Variants in PCDHA12 observed in about 807,000 individuals in gnomAD.
PCDHA12 encodes protocadherin alpha 12, also known as protocadherin alpha-12.
In PCDHA12, 44 loss-of-function variants were observed where a neutral mutation model predicts 60.0. The observed-to-expected ratio is 0.73, with a 90% CI of 0.58 to 0.94. The LOEUF is 0.94. PCDHA12 is among the 40% of genes least tolerant of loss of function. PCDHA12 has a pLI of 0.00. For synonymous variants in PCDHA12, 569 were observed against 553.0 expected (o/e 1.03, Z -0.40); for missense variants, 1,276 against 1,239.7 (o/e 1.03, Z -0.44).
chr5:140,900,496 C>G (rs1476220010), intron 1 of PCDHA12, among the ~76,000 whole-genome samples: 2 of 152,212 alleles, frequency 1.3e-5, no homozygotes, highest in Admixed American at 6.5e-5. Flanking sequence ...AGACTGGTCT[C>G]AAATTCCCAG....
intron 1 of PCDHA12, chr5:140,928,010 G>A: frequency 1.2e-6 from 2 of 1,614,168 alleles, no homozygotes; most frequent in Non-Finnish European, 1.7e-6. Context: ...GATTCTAATG[G>A]TAGGGTCATT....
chr5:140,899,102 G>A (rs1156372420), intron 1 of PCDHA12, among the ~76,000 whole-genome samples: 1 of 152,066 alleles, frequency 6.6e-6, no homozygotes, highest in Non-Finnish European at 1.5e-5. Flanking sequence ...TGAGATAATG[G>A]GGTTTTCTAG....
chr5:140,977,247 A>G (rs528974727), intron 1 of PCDHA12, among the ~76,000 whole-genome samples: 1 of 152,336 alleles, frequency 6.6e-6, no homozygotes, highest in African/African-American at 2.4e-5. Context: ...AATTGGCAAC[A>G]TTTCTCAGCA....
intron 1 of PCDHA12, among the ~76,000 whole-genome samples, chr5:140,888,737 A>T (rs1468383652): frequency 6.6e-6 from 1 of 152,036 alleles, no homozygotes; most frequent in Non-Finnish European, 1.5e-5. Context: ...TGTGAGCTCT[A>T]GGAATTATTC....
chr5:141,001,693 G>A (rs1554258280), intron 3 of PCDHA12, among the ~76,000 whole-genome samples: 1 of 152,122 alleles, frequency 6.6e-6, no homozygotes, highest in Admixed American at 6.5e-5. Context: ...CCCACAGATG[G>A]CGAAATAGGG....
intron 1 of PCDHA12, among the ~76,000 whole-genome samples, chr5:140,916,601 G>A (rs2077638535): frequency 6.6e-6 from 1 of 152,188 alleles, no homozygotes. Flanking sequence ...GGCCTGGAAT[G>A]CGGGCCTCAT....
chr5:140,976,354 C>A (rs1331334402), intron 1 of PCDHA12, among the ~76,000 whole-genome samples: 2 of 151,960 alleles, frequency 1.3e-5, no homozygotes, highest in Non-Finnish European at 2.9e-5. Context: ...TGTTCAAGAC[C>A]AGCCTGGCCA....
At chr5:140,971,586 C>G (rs1290834481) in intron 1 of PCDHA12, among the ~76,000 whole-genome samples, 1 of 152,022 alleles carries the variant, frequency 6.6e-6, no homozygotes, top group Non-Finnish European at 1.5e-5. Context: ...TTTTTCCTAC[C>G]TAGTTACTAC....
chr5:140,941,193 TTC>T (rs1491512649), intron 1 of PCDHA12, among the ~76,000 whole-genome samples: 2 of 116,638 alleles, frequency 1.7e-5, no homozygotes, highest in Admixed American at 1.7e-4. Flanking sequence ...TTCTTTTTTT[TTC>T]TTTCTTCCTT....
At chr5:140,943,234 G>A (rs1161111493) in intron 1 of PCDHA12, among the ~76,000 whole-genome samples, 3 of 145,508 alleles carry the variant, frequency 2.1e-5, no homozygotes, top group Non-Finnish European at 4.5e-5. Context: ...CTCCAGCCTG[G>A]GTCACAGAGT....
In PCDHA12 at chr5:140,920,604, G is replaced by A. The variant is rs182788075; in HGVS notation, c.2367+42765G>A. 4.8e-4 allele frequency among the ~76,000 whole-genome samples: 73 copies of A among 152,238 alleles called. No homozygotes were observed. In the East Asian group the frequency reaches 0.011, roughly 22 times the overall value. On this transcript the variant is annotated intron_variant, in intron 1 of 3. Transcript: ENST00000398631. ...CTCACGCCTGTAATCCCAGCACTTT[G>A]GGAGGCCGAGGCGGATGGATCACAA...
chr5:140,909,992 T>A (rs2074821631), intron 1 of PCDHA12, among the ~76,000 whole-genome samples: 1 of 152,192 alleles, frequency 6.6e-6, no homozygotes, highest in Non-Finnish European at 1.5e-5. Context: ...ACTAACAGCA[T>A]AAATTGTTGT....
rs112848471 is a variant in PCDHA12, at chr5:140,995,109, C to G, written c.2515+12546C>G. ...TATCTGTGGAGATACATTCCAAGAC[C>G]CTCAGTGGATGCCTGAAACCTCATT... On this transcript the variant is annotated intron_variant, in intron 3 of 3. Transcript: ENST00000398631. Among the ~76,000 whole-genome samples, 792 of 152,268 alleles carry G rather than the reference C, an allele frequency of 5.2e-3. 8 individuals are homozygous for G. Among genetic ancestry groups the G allele is most frequent in the African/African-American group, 0.019 (770 of 41,540 alleles).
Position 140,875,857 on chromosome 5 carries a change from A to C in PCDHA12, c.385A>C (p.Asn129His). ...VDVEVKDIND[N>H]PPVFREREQK... ...CGTGGAGGTGAAGGACATTAACGAC[A>C]ACCCGCCGGTGTTCAGAGAAAGGGA... is the stretch of plus-strand genomic sequence containing the variant. Residue 129 changes from asparagine to histidine, a missense_variant, in exon 1 of 4, where the codon AAC becomes CAC. Asn to His is a moderately conservative substitution (Grantham distance 68). Coordinates refer to ENST00000398631, the MANE Select transcript of PCDHA12 (RefSeq NM_018903.4). 1 of 1,614,124 alleles carries C rather than the reference A, an allele frequency of 6.2e-7. No homozygotes were observed. Among genetic ancestry groups the C allele is most frequent in the Non-Finnish European group, 8.5e-7 (1 of 1,180,016 alleles).
At chr5:140,926,117 A>G (rs2082917656) in intron 1 of PCDHA12, among the ~76,000 whole-genome samples, 1 of 152,190 alleles carries the variant, frequency 6.6e-6, no homozygotes, top group Admixed American at 6.5e-5. Flanking sequence ...GGTGCAGGAC[A>G]GACTTCAACC....
At chr5:140,924,064 G>T (rs1584331926) in intron 1 of PCDHA12, among the ~76,000 whole-genome samples, 1 of 152,172 alleles carries the variant, frequency 6.6e-6, no homozygotes. Context: ...CTTTACAGTT[G>T]TATTTCATCT....
intron 1 of PCDHA12, among the ~76,000 whole-genome samples, chr5:140,917,197 C>T (rs928492760): frequency 2.6e-5 from 4 of 152,236 alleles, no homozygotes; most frequent in African/African-American, 7.2e-5. Flanking sequence ...TCTCTCCAAC[C>T]CTCTTCAATG....
intron 1 of PCDHA12, among the ~76,000 whole-genome samples, chr5:140,908,325 T>C (rs189387427): frequency 6.6e-6 from 1 of 152,172 alleles, no homozygotes; most frequent in African/African-American, 2.4e-5. Flanking sequence ...GTGGAGACCA[T>C]GGGAATTTGA....
intron 1 of PCDHA12, among the ~76,000 whole-genome samples, chr5:140,918,826 C>T (rs200767772): frequency 2.0e-5 from 3 of 149,724 alleles, no homozygotes; most frequent in African/African-American, 7.4e-5. Flanking sequence ...AAGTGGCCCC[C>T]TCCCCAGACA....
Sources: allele counts gnomAD v4.1 joint callset (sites outside exome capture counted in the v4.1 genomes callset), GRCh38; gene constraint gnomAD v4.1.1; transcripts MANE v1.5; gene names NCBI Gene and HGNC (gene_info 2026-07-23, HGNC 2026-07-21).